Variants in DNAH5 observed in about 807,000 individuals in gnomAD.
The protein encoded by DNAH5 is axonemal beta dynein heavy chain 5.
A neutral mutation model predicts 518.2 loss-of-function variants in DNAH5; 372 were observed. That is an observed-to-expected ratio of 0.72 (90% CI 0.66 to 0.78). The LOEUF is 0.78. Among genes scored for constraint, DNAH5 ranks in the 30% least tolerant of loss-of-function variants. The pLI is 0.00. For missense variants in DNAH5, 5,523 were observed against 5,687.0 expected (o/e 0.97, Z 0.93); for synonymous variants, 2,039 against 2,025.9 (o/e 1.01, Z -0.17).
At position 13,776,590 on chromosome 5, in the gene DNAH5, G is replaced by A. The variant is rs1214502696; in HGVS notation, c.9222C>T (p.Phe3074=). The change falls in exon 55 of 79, where the codon TTC becomes TTT. Residue 3074 remains phenylalanine (F), a synonymous_variant. Coordinates refer to ENST00000265104, the MANE Select transcript of DNAH5 (RefSeq NM_001369.3). ...LPTNENLHDY[F]MSRVRQNLHI... ...GAAGGTTCTGTCGGACCCGACTCAT[G>A]AAGTAGTCGTGCAGGTTCTCATTGG... 2 of 1,613,972 alleles carry A rather than the reference G, an allele frequency of 1.2e-6. No homozygotes were observed. Among genetic ancestry groups the A allele is most frequent in the Non-Finnish European group, 8.5e-7 (1 of 1,179,866 alleles).
intron 74 of DNAH5, among the ~76,000 whole-genome samples, chr5:13,714,899 A>G (rs951886775): frequency 6.6e-6 from 1 of 152,202 alleles, no homozygotes; most frequent in East Asian, 1.9e-4. Context: ...AATATGTGAG[A>G]TAGAAAGGGA....
rs538961013 is a variant in DNAH5, at chr5:13,714,636, C to T, written c.12910-16G>A. 4.3e-6 allele frequency: 7 copies of T among 1,612,708 alleles called. No individual in the cohort carries two copies. The highest frequency in any genetic ancestry group is 5.9e-6 in the Non-Finnish European group (7 of 1,179,390). ...CAGGCAAACTCTGAACAACAGACAC[C>T]CCAGATAAGCACAGACTGCCAACAT... On this transcript the variant is annotated splice_polypyrimidine_tract_variant and intron_variant, in intron 74 of 78. Transcript: ENST00000265104.
rs1769497655 is a variant in DNAH5, at chr5:13,867,805, T to A, written c.4022A>T (p.Asp1341Val). The A allele has an allele frequency of 6.2e-7, 1 of 1,613,850 alleles. No homozygotes were observed. Among genetic ancestry groups the A allele is most frequent in the Non-Finnish European group, 8.5e-7 (1 of 1,179,844 alleles). Residue 1341 changes from aspartate to valine, a missense_variant, in exon 25 of 79, where the codon GAT becomes GTT. Physicochemically the swap from Asp to Val is radical, Grantham distance 152 (BLOSUM62 -3). Around this residue, in one of 3 missense-constraint regions of DNAH5, gnomAD observed 5,121 missense variants for 5,223.3 expected, o/e 0.98. Transcript: ENST00000265104. The stretch of plus-strand genomic sequence containing the variant: ...ATAGTCCAGATAAAACTGGTGACAA[T>A]CTTGGAGGAATACCTCCACAGCACT... ...LISAVEVFLQ[D>V]CHQFYLDYDL...
chr5:13,735,160 T>C lies in DNAH5; in HGVS notation c.11732A>G (p.Lys3911Arg), dbSNP rs975376907. ...LKIDIQRNRV[K>R]HEEFLTLIKG... ...AATAAGAGTGAGAAACTCTTCATGCTTGACTCGGTTCCTCTGGATGTCAAT... is the reference window on the plus strand; with the variant it reads ...AATAAGAGTGAGAAACTCTTCATGCCTGACTCGGTTCCTCTGGATGTCAAT... The change falls in exon 68 of 79, where the codon AAG becomes AGG. Residue 3911 changes from lysine (K) to arginine (R), a missense_variant. By Grantham distance (26) the Lys-to-Arg change is conservative. Coordinates refer to ENST00000265104, the MANE Select transcript of DNAH5 (RefSeq NM_001369.3). The C allele has an allele frequency of 3.1e-6, 5 of 1,614,056 alleles. No homozygotes were observed. Among genetic ancestry groups the C allele is most frequent in the Middle Eastern group, 1.6e-4 (1 of 6,084 alleles).
intron 1 of DNAH5, among the ~76,000 whole-genome samples, chr5:14,004,898 G>A (rs967761440): frequency 7.3e-5 from 11 of 150,848 alleles, no homozygotes; most frequent in Non-Finnish European, 1.5e-4. Flanking sequence ...TTAGATTTCT[G>A]CGATCACCTC....
At chr5:13,692,268 T>A in intron 78 of DNAH5, 133 bp from the exon 79 acceptor site, 1 of 998,956 alleles carries the variant, frequency 1.0e-6, no homozygotes, top group Non-Finnish European at 1.5e-6. Context: ...GGGACATTCT[T>A]TCTGAGGTCA....
intron 30 of DNAH5, among the ~76,000 whole-genome samples, chr5:13,851,613 AATTTTC>A (rs1405570476): frequency 6.6e-6 from 1 of 152,058 alleles, no homozygotes; most frequent in Non-Finnish European, 1.5e-5. Flanking sequence ...CCCGGCCCCA[AATTTTC>A]ATTTTCTTCT....
Position 13,752,166 on chromosome 5 carries a change from T to A in DNAH5, c.10996A>T (p.Arg3666Ter). 6.2e-7 allele frequency: 1 copy of A among 1,614,026 alleles called. No homozygotes were observed. The highest frequency in any genetic ancestry group is 8.5e-7 in the Non-Finnish European group (1 of 1,179,952). The change falls in exon 64 of 79, where the codon AGA (arginine) becomes TGA (stop). Residue 3666 changes from arginine to a stop codon, truncating the protein, a stop_gained. Transcript: ENST00000265104. LOFTEE classifies it high-confidence loss of function. ...LDPALDNVLE[R>*]NFIKTGSTFK... ...GTAGACCCAGTTTTAATGAAGTTTC[T>A]TTCCAAAACATTATCTAGTGCTGGA...
chr5:13,876,757 T>G lies in DNAH5; in HGVS notation c.3323A>C (p.Lys1108Thr). The G allele has an allele frequency of 6.2e-7, 1 of 1,613,884 alleles. No homozygotes were observed. The highest frequency in any genetic ancestry group is 1.3e-5 in the African/African-American group (1 of 75,040). ...PIPVQTKNYYKNVSENKEIVK... is the reference protein window; with the variant it reads ...PIPVQTKNYYTNVSENKEIVK... Reference sequence around the variant, plus strand: ...AATCTCTTTGTTTTCAGAAACATTCTTATAATAGTTCTTGGTTTGCACGGG... The same window carrying G: ...AATCTCTTTGTTTTCAGAAACATTCGTATAATAGTTCTTGGTTTGCACGGG... Residue 1108 changes from lysine (K) to threonine (T), a missense_variant, in exon 22 of 79, where the codon AAG becomes ACG. This residue lies in a region of DNAH5 where 5,121 missense variants were observed against 5,223.3 expected (regional missense o/e 0.98). Coordinates refer to ENST00000265104, the MANE Select transcript of DNAH5 (RefSeq NM_001369.3).
At chr5:13,800,986 T>C (rs945204164) in intron 47 of DNAH5, among the ~76,000 whole-genome samples, 9 of 152,246 alleles carry the variant, frequency 5.9e-5, no homozygotes, top group African/African-American at 1.2e-4. Context: ...TGGTACTATG[T>C]GTTTGTTGTT....
intron 1 of DNAH5, among the ~76,000 whole-genome samples, chr5:13,983,178 C>G (rs1782808509): frequency 6.6e-6 from 1 of 152,180 alleles, no homozygotes; most frequent in South Asian, 2.1e-4. Flanking sequence ...ACACAAGTGC[C>G]CAGCTGCCTC....
chr5:13,926,413 C>G (rs1291591610), intron 3 of DNAH5, among the ~76,000 whole-genome samples: 4 of 152,220 alleles, frequency 2.6e-5, no homozygotes. Flanking sequence ...TGGCCTCACA[C>G]AGTCAGCCAC....
In DNAH5 at chr5:13,832,134, A is replaced by G. The variant is rs557519861; in HGVS notation, c.5883-1359T>C. Among the ~76,000 whole-genome samples the G allele has an allele frequency of 5.9e-4, 90 of 152,068 alleles. 1 individual carries two copies. Among genetic ancestry groups the G allele is most frequent in the African/African-American group, 2.2e-3 (89 of 41,306 alleles). ...TAACAAACCCGCACATGTACCCCTG[A>G]ACTTAAAAATTAAAAACTGAAAAAA... On this transcript the variant is annotated intron_variant, in intron 35 of 78. Transcript: ENST00000265104.
chr5:13,794,086 C>T (rs1234744823), intron 47 of DNAH5, 28 bp from the exon 48 acceptor site: 1 of 1,613,852 alleles, frequency 6.2e-7, no homozygotes, highest in Non-Finnish European at 8.5e-7. Flanking sequence ...ACTGAAACAT[C>T]TGTGAAAATA....
At chr5:13,864,761 C>A in intron 27 of DNAH5, 124 bp from the exon 28 acceptor site, 1 of 1,080,614 alleles carries the variant, frequency 9.3e-7, no homozygotes. Flanking sequence ...TTTTAAATCC[C>A]ATGACTTGCA....
In DNAH5 at chr5:13,902,058, A is replaced by G; in HGVS notation, c.1725T>C (p.Phe575=). Residue 575 remains phenylalanine (F), a synonymous_variant, in exon 13 of 79, where the codon TTT becomes TTC. Transcript: ENST00000265104. ...CAATTTCTTGAAAATTTTACCTTTC[A>G]AATTTCTTCAACATTCTTAGAGCTT... The part of the protein sequence containing the change: ...TNQALRMLKK[F]ERLNIPNLGI... The G allele has an allele frequency of 6.3e-7, 1 of 1,596,488 alleles. No individual in the cohort carries two copies. The highest frequency in any genetic ancestry group is 1.1e-5 in the South Asian group (1 of 89,628).
At chr5:13,711,170 T>A (rs151274063) in intron 75 of DNAH5, among the ~76,000 whole-genome samples, 10 of 152,290 alleles carry the variant, frequency 6.6e-5, no homozygotes, top group Admixed American at 6.5e-4. Context: ...TAACCCAGCA[T>A]GATCAAGTGG....
chr5:13,959,255 C>T (rs554632671), intron 1 of DNAH5, among the ~76,000 whole-genome samples: 1 of 152,252 alleles, frequency 6.6e-6, no homozygotes, highest in East Asian at 1.9e-4. Context: ...TTCTCAATGG[C>T]TTTTAATTTT....
intron 5 of DNAH5, among the ~76,000 whole-genome samples, chr5:13,921,641 C>T (rs904098915): frequency 1.3e-5 from 2 of 151,754 alleles, no homozygotes; most frequent in African/African-American, 4.8e-5. Context: ...CCCTTTTGAT[C>T]ATTGGCTGAA....
Sources: allele counts gnomAD v4.1 joint callset (sites outside exome capture counted in the v4.1 genomes callset), GRCh38; gene constraint gnomAD v4.1.1; regional missense constraint gnomAD v4.1.1; transcripts MANE v1.5; gene names NCBI Gene and HGNC (gene_info 2026-07-23, HGNC 2026-07-21).